The following KHDRBS2 variants were observed in gnomAD, a reference collection of about 807,000 sequenced individuals.
KHDRBS2 encodes KH RNA binding domain containing, signal transduction associated 2.
A neutral mutation model predicts 44.3 loss-of-function variants in KHDRBS2; 26 were observed. That is an observed-to-expected ratio of 0.59 (90% CI 0.43 to 0.81). KHDRBS2 has a LOEUF of 0.81. Ranked by LOEUF, KHDRBS2 falls within the 40% of genes least tolerant of loss-of-function variation. KHDRBS2 has a pLI of 0.00. For missense variants in KHDRBS2, 476 were observed against 433.1 expected (o/e 1.10, Z -0.88); for synonymous variants, 194 against 151.1 (o/e 1.28, Z -2.08).
At chr6:62,058,608 A>T (rs1184235935) in intron 2 of KHDRBS2, among the ~76,000 whole-genome samples, 1 of 151,926 alleles carries the variant, frequency 6.6e-6, no homozygotes, top group Non-Finnish European at 1.5e-5. Flanking sequence ...ATAGAGAGGA[A>T]ATGACAACAT....
the KHDRBS2 span, among the ~76,000 whole-genome samples, chr6:61,606,077 C>T: frequency 7.2e-5 from 11 of 152,250 alleles, 1 homozygote; most frequent in East Asian, 1.5e-3. Context: ...TTGTGAACCC[C>T]GCCCCTGCCA....
At chr6:62,085,009 C>A (rs144750393) in intron 2 of KHDRBS2, among the ~76,000 whole-genome samples, 2 of 152,180 alleles carry the variant, frequency 1.3e-5, no homozygotes, top group African/African-American at 4.8e-5. Context: ...ACTGAAACAT[C>A]TAACAATAAA....
chr6:62,228,956 C>A (rs946567714), intron 1 of KHDRBS2, among the ~76,000 whole-genome samples: 2 of 152,092 alleles, frequency 1.3e-5, no homozygotes, highest in East Asian at 1.9e-4. Flanking sequence ...ATCTGACAAC[C>A]CTGTTGGAGG....
At chr6:61,892,977 G>A in intron 6 of KHDRBS2, among the ~76,000 whole-genome samples, 1 of 152,048 alleles carries the variant, frequency 6.6e-6, no homozygotes, top group Non-Finnish European at 1.5e-5. Context: ...CTGACAGAAT[G>A]GGAGAAAATT....
the KHDRBS2 span, among the ~76,000 whole-genome samples, chr6:61,666,451 T>G: frequency 3.3e-5 from 5 of 151,308 alleles, no homozygotes; most frequent in African/African-American, 1.2e-4. Flanking sequence ...GGAAATTTTA[T>G]TACCAAATAT....
chr6:61,572,469 G>C, the KHDRBS2 span, among the ~76,000 whole-genome samples: 1 of 151,926 alleles, frequency 6.6e-6, no homozygotes, highest in Non-Finnish European at 1.5e-5. Flanking sequence ...TAATTCTATA[G>C]AGCCAGTATC....
intron 1 of KHDRBS2, among the ~76,000 whole-genome samples, chr6:62,257,882 A>T (rs975057732): frequency 4.0e-5 from 6 of 151,832 alleles, no homozygotes; most frequent in Admixed American, 1.3e-4. Flanking sequence ...ATTACAGAAA[A>T]TTTTTTCTCC....
chr6:61,788,159 T>C (rs1562182322), intron 6 of KHDRBS2, among the ~76,000 whole-genome samples: 1 of 151,612 alleles, frequency 6.6e-6, no homozygotes, highest in Non-Finnish European at 1.5e-5. Context: ...AATAAAATAT[T>C]GCATTAGATA....
chr6:61,891,447 T>C (rs1423582618), intron 6 of KHDRBS2, among the ~76,000 whole-genome samples: 1 of 152,150 alleles, frequency 6.6e-6, no homozygotes, highest in African/African-American at 2.4e-5. Flanking sequence ...GCTGGCCTCA[T>C]AAAATGAGTT....
intron 2 of KHDRBS2, among the ~76,000 whole-genome samples, chr6:62,108,578 C>A (rs544223710): frequency 1.3e-5 from 2 of 152,040 alleles, no homozygotes; most frequent in Non-Finnish European, 2.9e-5. Flanking sequence ...ACCATTTGAC[C>A]CAGCCATCCC....
chr6:61,625,256 C>T, the KHDRBS2 span, among the ~76,000 whole-genome samples: 8,921 of 151,074 alleles, frequency 0.059, 451 homozygotes, highest in African/African-American at 0.13. Flanking sequence ...GGACTAACTA[C>T]AGAGATGGGG....
intron 2 of KHDRBS2, among the ~76,000 whole-genome samples, chr6:62,107,701 A>G (rs1171591570): frequency 6.6e-6 from 1 of 152,210 alleles, no homozygotes; most frequent in African/African-American, 2.4e-5. Flanking sequence ...CTATACTACA[A>G]GGCTACAATA....
chr6:61,807,284 A>G (rs191203002), intron 6 of KHDRBS2, among the ~76,000 whole-genome samples: 1 of 152,090 alleles, frequency 6.6e-6, no homozygotes, highest in Non-Finnish European at 1.5e-5. Context: ...AAGGAACTTA[A>G]AGAATTACCA....
chr6:61,565,636 A>G, the KHDRBS2 span, among the ~76,000 whole-genome samples: 1 of 152,130 alleles, frequency 6.6e-6, no homozygotes, highest in Non-Finnish European at 1.5e-5. Context: ...CCCAGTTAAG[A>G]TGCCCTTTAT....
chr6:61,669,119 T>C, the KHDRBS2 span, among the ~76,000 whole-genome samples: 1 of 151,046 alleles, frequency 6.6e-6, no homozygotes, highest in Admixed American at 6.6e-5. Flanking sequence ...ACAGGCATAA[T>C]ATACATGATG....
chr6:61,903,926 C>T (rs780380742), intron 4 of KHDRBS2, among the ~76,000 whole-genome samples: 4 of 152,184 alleles, frequency 2.6e-5, no homozygotes, highest in Non-Finnish European at 5.9e-5. Flanking sequence ...GCCATCCTGT[C>T]CCAGTCAAGC....
chr6:62,219,643 G>C (rs1241305393), intron 1 of KHDRBS2, among the ~76,000 whole-genome samples: 1 of 150,966 alleles, frequency 6.6e-6, no homozygotes, highest in East Asian at 1.9e-4. Context: ...ATCGATATTA[G>C]ATAATATAGG....
chr6:61,728,830 T>A (rs1338230779), intron 7 of KHDRBS2, among the ~76,000 whole-genome samples: 3 of 152,190 alleles, frequency 2.0e-5, no homozygotes, highest in African/African-American at 7.2e-5. Context: ...TTTTTTACTA[T>A]ATTTTCTTTT....
intron 1 of KHDRBS2, among the ~76,000 whole-genome samples, chr6:62,249,328 T>A (rs1204468290): frequency 6.6e-6 from 1 of 152,088 alleles, no homozygotes; most frequent in African/African-American, 2.4e-5. Flanking sequence ...TCAGTAGATT[T>A]TGTAAAGTAT....
Sources: allele counts gnomAD v4.1 joint callset (sites outside exome capture counted in the v4.1 genomes callset), GRCh38; gene constraint gnomAD v4.1.1; transcripts MANE v1.5; gene names NCBI Gene and HGNC (gene_info 2026-07-23, HGNC 2026-07-21).